The following CCDC91 variants were observed in gnomAD, a reference collection of about 807,000 sequenced individuals.
CCDC91 encodes the protein coiled-coil domain-containing protein 91.
In CCDC91, 48 loss-of-function variants were observed where a neutral mutation model predicts 63.2. That is an observed-to-expected ratio of 0.76 (90% CI 0.60 to 0.97). The LOEUF (loss-of-function observed/expected upper bound fraction) is 0.97, where lower values mean the gene tolerates loss of function less well. Among genes scored for constraint, CCDC91 ranks in the 50% least tolerant of loss-of-function variants. CCDC91 has a pLI of 0.00. For missense variants in CCDC91, 500 were observed against 494.6 expected, an observed-to-expected ratio of 1.01 and a Z score of -0.10; for synonymous variants, 167 against 165.8, an observed-to-expected ratio of 1.01 and a Z score of -0.06.
intron 8 of CCDC91, among the ~76,000 whole-genome samples, chr12:28,402,520 A>ATTTTTTTTTTTTTTTTTTTTTTT (rs57398967): frequency 7.7e-5 from 4 of 51,938 alleles, no homozygotes; most frequent in Admixed American, 3.2e-4. Flanking sequence ...AGTTCCAGGA[A>ATTTTTTTTTTTTTTTTTTTTTTT]TTTTTTTTTT....
At chr12:28,200,958 C>G (rs1348272922) in intron 1 of CCDC91, among the ~76,000 whole-genome samples, 1 of 140,716 alleles carries the variant, frequency 7.1e-6, no homozygotes, top group Non-Finnish European at 1.5e-5. Context: ...GGGGGCTGAC[C>G]CCCCAACCTC....
chr12:28,250,595 T>A (rs1409868404), intron 1 of CCDC91, among the ~76,000 whole-genome samples: 1 of 152,066 alleles, frequency 6.6e-6, no homozygotes, highest in Non-Finnish European at 1.5e-5. Context: ...AGCAACTGGG[T>A]CTTCTAGTGC....
intron 6 of CCDC91, among the ~76,000 whole-genome samples, chr12:28,338,742 A>G (rs1419320290): frequency 1.3e-5 from 2 of 152,150 alleles, no homozygotes; most frequent in African/African-American, 2.4e-5. Flanking sequence ...TGCCATTGCC[A>G]TGTTCTGGGG....
intron 3 of CCDC91, among the ~76,000 whole-genome samples, chr12:28,289,754 C>T (rs34616238): frequency 0.25 from 36,104 of 143,332 alleles, 4,996 homozygotes; most frequent in East Asian, 0.57. Flanking sequence ...TGCAGTGGCG[C>T]GATCTCGGCT....
chr12:28,468,218 CAAATA>C (rs1250304463), intron 11 of CCDC91, among the ~76,000 whole-genome samples: 1 of 144,368 alleles, frequency 6.9e-6, no homozygotes, highest in African/African-American at 2.6e-5. Context: ...AGAGATGATC[CAAATA>C]AAATCAGAGA....
At chr12:28,242,857 A>G (rs1945437145) in intron 1 of CCDC91, among the ~76,000 whole-genome samples, 1 of 152,044 alleles carries the variant, frequency 6.6e-6, no homozygotes, top group Non-Finnish European at 1.5e-5. Context: ...GAGTGAAGTT[A>G]TCCTGAGATC....
At chr12:28,395,608 T>C (rs138701365) in intron 8 of CCDC91, among the ~76,000 whole-genome samples, 9 of 151,990 alleles carry the variant, frequency 5.9e-5, no homozygotes, top group Middle Eastern at 3.4e-3. Context: ...ATAGGACAAG[T>C]TATGGGGAAG....
intron 1 of CCDC91, among the ~76,000 whole-genome samples, chr12:28,216,697 T>C (rs1021133909): frequency 2.0e-5 from 3 of 152,084 alleles, no homozygotes; most frequent in South Asian, 2.1e-4. Flanking sequence ...TTGAGAGCAG[T>C]GTTCTTATAA....
At chr12:28,499,545 C>G (rs911332385) in intron 12 of CCDC91, among the ~76,000 whole-genome samples, 1 of 151,812 alleles carries the variant, frequency 6.6e-6, no homozygotes, top group Admixed American at 6.6e-5. Context: ...ATGATGTTCC[C>G]CTCCCTGTGT....
intron 1 of CCDC91, among the ~76,000 whole-genome samples, chr12:28,220,174 T>G (rs1183167674): frequency 6.6e-6 from 1 of 152,128 alleles, no homozygotes. Context: ...TTCTGCTTTT[T>G]TCCTTCTTTA....
intron 12 of CCDC91, among the ~76,000 whole-genome samples, chr12:28,489,024 A>G (rs1408213296): frequency 6.6e-6 from 1 of 151,982 alleles, no homozygotes; most frequent in Non-Finnish European, 1.5e-5. Context: ...TCATGCTTCA[A>G]TAGCAGAGTT....
At chr12:28,429,295 C>T (rs1480608895) in intron 8 of CCDC91, among the ~76,000 whole-genome samples, 1 of 152,110 alleles carries the variant, frequency 6.6e-6, no homozygotes, top group East Asian at 1.9e-4. Flanking sequence ...AAGTTTTAAT[C>T]CAGTATTCTT....
intron 3 of CCDC91, among the ~76,000 whole-genome samples, chr12:28,265,265 A>T (rs1253464960): frequency 6.6e-6 from 1 of 152,056 alleles, no homozygotes; most frequent in Non-Finnish European, 1.5e-5. Flanking sequence ...TGCATTGACC[A>T]TCAAAGGGAA....
chr12:28,492,320 C>T, intron 12 of CCDC91, among the ~76,000 whole-genome samples: 1 of 151,584 alleles, frequency 6.6e-6, no homozygotes, highest in East Asian at 1.9e-4. Flanking sequence ...AGAGCCTTAT[C>T]CTAGTATTCT....
intron 7 of CCDC91, among the ~76,000 whole-genome samples, chr12:28,371,395 T>G (rs765948635): frequency 6.6e-6 from 1 of 152,126 alleles, no homozygotes; most frequent in Non-Finnish European, 1.5e-5. Context: ...GTTTAACAAT[T>G]TCATCCTGAA....
intron 7 of CCDC91, among the ~76,000 whole-genome samples, chr12:28,385,167 T>G (rs143053886): frequency 1.5e-4 from 23 of 152,272 alleles, no homozygotes; most frequent in African/African-American, 5.1e-4. Context: ...AAAAAGATGT[T>G]TAAATAATTT....
intron 12 of CCDC91, among the ~76,000 whole-genome samples, chr12:28,498,868 T>C (rs1177569413): frequency 1.3e-5 from 2 of 151,690 alleles, no homozygotes; most frequent in Non-Finnish European, 3.0e-5. Context: ...TAATTATCTT[T>C]TCCCCCTACT....
At chr12:28,376,627 T>C (rs955842571) in intron 7 of CCDC91, among the ~76,000 whole-genome samples, 12 of 151,832 alleles carry the variant, frequency 7.9e-5, no homozygotes, top group African/African-American at 2.7e-4. Flanking sequence ...TTTGCTAAAA[T>C]AGATGTAACA....
chr12:28,355,364 A>G (rs1210029298), intron 6 of CCDC91, among the ~76,000 whole-genome samples: 1 of 152,154 alleles, frequency 6.6e-6, no homozygotes, highest in Non-Finnish European at 1.5e-5. Context: ...GCAAAAGGCT[A>G]CATTTCTCAG....
Sources: gnomAD v4.1 joint callset for allele counts (sites outside exome capture counted in the v4.1 genomes callset) on GRCh38, gnomAD v4.1.1 for gene constraint, MANE v1.5 for transcripts, NCBI Gene and HGNC (gene_info 2026-07-23, HGNC 2026-07-21) for gene names.